Variants in OTOG observed in about 807,000 individuals in gnomAD.
The protein encoded by OTOG is otogelin.
Under a neutral mutation model 313.8 loss-of-function variants are expected in OTOG, and 296 were observed. The ratio of observed to expected loss-of-function variants is 0.94; its 90% CI spans 0.86 to 1.04. The LOEUF (loss-of-function observed/expected upper bound fraction) is 1.04, where lower values mean the gene tolerates loss of function less well. Ranked by LOEUF, OTOG falls within the 50% of genes least tolerant of loss-of-function variation. The pLI is 0.00. For synonymous variants in OTOG, 1,533 were observed against 1,554.9 expected (o/e 0.99, Z 0.33); for missense variants, 3,948 against 3,840.1 (o/e 1.03, Z -0.74).
intron 34 of OTOG, 52 bp from the exon 35 acceptor site, chr11:17,609,078 A>T (rs1590039321): frequency 7.1e-7 from 1 of 1,404,178 alleles, no homozygotes; most frequent in East Asian, 2.5e-5. Context: ...AGAAAAAGAG[A>T]TGGCCCTGCC....
rs2133703705 is a variant in OTOG at position 17,631,737 on chromosome 11, C to T, written c.6748C>T (p.Leu2250=). The T allele has an allele frequency of 6.4e-7, 1 of 1,550,614 alleles. No homozygotes were observed. Among genetic ancestry groups the T allele is most frequent in the South Asian group, 1.2e-5 (1 of 84,056 alleles). Residue 2250 remains leucine, a synonymous_variant, in exon 41 of 56, where the codon CTG becomes TTG. Coordinates refer to ENST00000399397, the MANE Select transcript of OTOG (RefSeq NM_001292063.2). ...CDGDAANDLT[L]KDGSVVGGAE... is the part of the protein sequence containing the mutation. ...TGGAGATGCAGCCAATGACCTTACC[C>T]TGAAGGATGGCTCAGTGGTGGGTGG...
At chr11:17,615,077 A>G (rs1330702487) in intron 39 of OTOG, among the ~76,000 whole-genome samples, 1 of 152,092 alleles carries the variant, frequency 6.6e-6, no homozygotes, top group East Asian at 1.9e-4. Flanking sequence ...GTCAAATAGA[A>G]CCTCATTTTG....
At chr11:17,547,731 CTG>C (rs1851840594) in intron 1 of OTOG, among the ~76,000 whole-genome samples, 194 bp from the exon 2 acceptor site, 1 of 151,950 alleles carries the variant, frequency 6.6e-6, no homozygotes, top group Admixed American at 6.5e-5. Context: ...GGGCCAAAGA[CTG>C]AGAGTAAACA....
intron 6 of OTOG, among the ~76,000 whole-genome samples, chr11:17,553,837 C>T (rs1468548374): frequency 6.6e-6 from 1 of 152,210 alleles, no homozygotes; most frequent in Non-Finnish European, 1.5e-5. Flanking sequence ...TCTTTGTCTT[C>T]TCAGAACTTA....
In OTOG at chr11:17,610,877, G is replaced by A. The variant is rs754862622; in HGVS notation, c.5577G>A (p.Ala1859=). The A allele has an allele frequency of 2.7e-5, 42 of 1,550,676 alleles. No individual in the cohort carries two copies. In the African/African-American group the frequency reaches 3.8e-4, roughly 14 times the overall value. ...TCACTCCAGCAGCAATGACCCAGGC[G>A]CACCCACCCACTCACATAGCACCCC... ...LPFTPAAMTQ[A]HPPTHIAPPA... The change falls in exon 36 of 56, where the codon GCG becomes GCA. Residue 1859 remains alanine, a synonymous_variant. Transcript: ENST00000399397.
At chr11:17,553,324 C>T in intron 5 of OTOG, 41 bp from the exon 6 acceptor site, 1 of 1,490,268 alleles carries the variant, frequency 6.7e-7, no homozygotes, top group Non-Finnish European at 9.0e-7. Flanking sequence ...GCTTGGTGCC[C>T]ACTGTAGCTA....
intron 12 of OTOG, 49 bp downstream of exon 12, chr11:17,559,711 C>A: frequency 1.4e-6 from 2 of 1,434,412 alleles, no homozygotes; most frequent in Middle Eastern, 1.8e-4. Context: ...CCTGGCCTGG[C>A]ACAGATGGCC....
At chr11:17,617,778 T>C (rs1441049859) in intron 39 of OTOG, among the ~76,000 whole-genome samples, 2 of 152,162 alleles carry the variant, frequency 1.3e-5, no homozygotes, top group Non-Finnish European at 1.5e-5. Context: ...CTATTATTTT[T>C]ATATTTTCTA....
intron 42 of OTOG, among the ~76,000 whole-genome samples, chr11:17,633,048 A>C (rs767595102): frequency 6.6e-6 from 1 of 152,246 alleles, no homozygotes; most frequent in Non-Finnish European, 1.5e-5. Context: ...TATTTTATAT[A>C]GAAGCGATTT....
intron 54 of OTOG, among the ~76,000 whole-genome samples, chr11:17,644,169 A>G (rs1848028502): frequency 6.6e-6 from 1 of 152,214 alleles, no homozygotes; most frequent in Non-Finnish European, 1.5e-5. Flanking sequence ...CTTGCATGGG[A>G]AAGCTTCAGC....
intron 3 of OTOG, among the ~76,000 whole-genome samples, chr11:17,550,347 A>G (rs1851906739): frequency 1.3e-5 from 2 of 152,210 alleles, no homozygotes; most frequent in Admixed American, 6.5e-5. Flanking sequence ...TCATAAAATG[A>G]TATTGTGATA....
rs902253125 is a variant in OTOG at position 17,555,709 on chromosome 11, A to G, written c.541-70A>G. 78 of 1,276,896 alleles carry G rather than the reference A, an allele frequency of 6.1e-5. No homozygotes were observed. The African/African-American group carries it at 1.0e-3, about 17-fold the overall frequency. 79.1% of individuals were successfully genotyped at this position (1,276,896 alleles called of 1,614,324 possible). On this transcript the variant is annotated intron_variant, in intron 6 of 55. Transcript: ENST00000399397. ...AGCCATCGGCATTAGTGAAAACTCA[A>G]TAAGGTGTGAAGCTCAGGGTCAGGC...
chr11:17,613,374 C>CCTTCCTTCCTTCCCTCCT (rs1565119211), intron 38 of OTOG, among the ~76,000 whole-genome samples: 20 of 74,716 alleles, frequency 2.7e-4, no homozygotes, highest in African/African-American at 9.0e-4. Context: ...CCTTCCTTCC[C>CCTTCCTTCCTTCCCTCCT]TCCTTCCTTC....
At chr11:17,555,038 C>G (rs1852023001) in intron 6 of OTOG, among the ~76,000 whole-genome samples, 1 of 152,190 alleles carries the variant, frequency 6.6e-6, no homozygotes, top group Admixed American at 6.5e-5. Context: ...TGAAGTGGCT[C>G]CAGCCTGCTT....
At position 17,634,819 on chromosome 11, in the gene OTOG, C is replaced by G. The variant is rs375128398; in HGVS notation, c.7481-25C>G. The G allele has an allele frequency of 8.8e-5, 135 of 1,537,328 alleles. 2 individuals are homozygous for G. The East Asian group carries it at 1.3e-3, about 15-fold the overall frequency. ...GTGGGGACATCCGGCCCCGAGGTGA[C>G]AGGCCCTGTGGTCCCCGGGGCCAGT... On this transcript the variant is annotated intron_variant, in intron 44 of 55. Transcript: ENST00000399397.
At chr11:17,642,386 T>C (rs1847995521) in intron 53 of OTOG, 140 bp downstream of exon 53, 1 of 1,175,850 alleles carries the variant, frequency 8.5e-7, no homozygotes, top group African/African-American at 1.6e-5. Context: ...CCCAAATCCA[T>C]ATGTCTCTCT....
intron 23 of OTOG, among the ~76,000 whole-genome samples, chr11:17,581,805 T>G (rs929152032): frequency 2.0e-5 from 3 of 152,240 alleles, no homozygotes; most frequent in African/African-American, 7.2e-5. Flanking sequence ...TGTTTATCTA[T>G]TCTAGATACA....
In OTOG at chr11:17,609,673, G is replaced by A; in HGVS notation, c.4373G>A (p.Trp1458Ter). 1 of 1,494,650 alleles carries A rather than the reference G, an allele frequency of 6.7e-7. No homozygotes were observed. The highest frequency in any genetic ancestry group is 1.4e-5 in the African/African-American group (1 of 71,420). The allele number at this position is 1,494,650 out of a possible 1,614,324, so 92.6% of individuals were successfully genotyped here. The change falls in exon 36 of 56, where the codon TGG (tryptophan) becomes TAG (stop). Residue 1458 changes from tryptophan to a stop codon, truncating the protein, a stop_gained. Transcript: ENST00000399397. LOFTEE classifies it high-confidence loss of function. ...TCCGCAGGTGTGGAGCCAGCAGTTTGGGTTCCCACAGAGGCCCTTGGCAAT... is the reference window on the plus strand; with the variant it reads ...TCCGCAGGTGTGGAGCCAGCAGTTTAGGTTCCCACAGAGGCCCTTGGCAAT... ...YLEDCVEPAV[W>*]VPTEALGNET...
At position 17,557,686 on chromosome 11, in the gene OTOG, A is replaced by G. The variant is rs888440295; in HGVS notation, c.865+363A>G. Among the ~76,000 whole-genome samples the G allele has an allele frequency of 5.3e-5, 8 of 151,082 alleles. No individual in the cohort carries two copies. The Admixed American group carries it at 5.4e-4, about 10-fold the overall frequency. On this transcript the variant is annotated intron_variant, in intron 8 of 55. Transcript: ENST00000399397. ...AGAAATGGCCCAGCTAAAGACACCT[A>G]TGGAGGAGTGGTAGGAAGTGAGTGA...
Sources: allele counts gnomAD v4.1 joint callset (sites outside exome capture counted in the v4.1 genomes callset), GRCh38; gene constraint gnomAD v4.1.1; transcripts MANE v1.5; gene names NCBI Gene and HGNC (gene_info 2026-07-23, HGNC 2026-07-21).